Variants in HPS5 observed in about 807,000 individuals in gnomAD.
HPS5 encodes the protein HPS5 biogenesis of lysosomal organelles complex 2 subunit 2, also known as BLOC-2 complex member HPS5.
A neutral mutation model predicts 128.0 loss-of-function variants in HPS5; 83 were observed. The ratio of observed to expected loss-of-function variants is 0.65; its 90% CI spans 0.54 to 0.78. The LOEUF (loss-of-function observed/expected upper bound fraction) is 0.78. HPS5 is among the 30% of genes least tolerant of loss of function. The pLI is 0.00. For synonymous variants in HPS5, 475 were observed against 470.2 expected (o/e 1.01, Z -0.13); for missense variants, 1,281 against 1,326.2 (o/e 0.97, Z 0.53).
chr11:18,298,922 A>G lies in HPS5; in HGVS notation c.1034T>C (p.Leu345Pro), dbSNP rs754589107. The G allele has an allele frequency of 4.3e-6, 7 of 1,614,228 alleles. No homozygotes were observed. The Admixed American group carries it at 5.0e-5, about 12-fold the overall frequency. ...GGAGAGATGTGAGACTTTCCCATTT[A>G]GGTGCAAACAGAACAATTCATTCCT... is the stretch of plus-strand genomic sequence containing the variant. ...VCRNELFCLH[L>P]NGKVSHLSLI... is the part of the protein sequence containing the mutation. The change falls in exon 10 of 23, where the codon CTA (leucine) becomes CCA (proline). Residue 345 changes from leucine to proline, a missense_variant. Physicochemically the swap from Leu to Pro is moderately conservative, Grantham distance 98 (BLOSUM62 -3). Transcript: ENST00000349215.
rs565142020 is a variant in HPS5, at chr11:18,297,710, T to G, written c.1172A>C (p.Lys391Thr). 1 of 1,613,978 alleles carries G rather than the reference T, an allele frequency of 6.2e-7. No homozygotes were observed. The highest frequency in any genetic ancestry group is 2.2e-5 in the East Asian group (1 of 44,884). The change falls in exon 11 of 23, where the codon AAA (lysine) becomes ACA (threonine). Residue 391 changes from lysine to threonine, a missense_variant. Coordinates refer to ENST00000349215, the MANE Select transcript of HPS5 (RefSeq NM_181507.2). ...QNSVIASRAR[K>T]TLTADKLEHL... is the part of the protein sequence containing the mutation. ...CTCCAATTTATCTGCAGTCAAAGTTTTTCTTGCCTAATAAAACAACAGCGC... is the reference window on the plus strand; with the variant it reads ...CTCCAATTTATCTGCAGTCAAAGTTGTTCTTGCCTAATAAAACAACAGCGC...
chr11:18,311,682 T>C, intron 3 of HPS5: 1 of 562,500 alleles, frequency 1.8e-6, no homozygotes, highest in African/African-American at 1.9e-5. Context: ...AGCTAATTTT[T>C]GTGTTTTTAG....
In HPS5 at chr11:18,291,941, TA is replaced by T; in HGVS notation, c.1940del (p.Leu647Ter). ...RMVLQEWLSH[L>X]EKTFAMKDFS... ...AGTCCTTCATGGCAAATGTTTTTTC[TA>T]AATGTGAAAGCCACTCCTGTAAAAC... On this transcript the variant is annotated frameshift_variant, in exon 16 of 23. Transcript: ENST00000349215. LOFTEE classifies it high-confidence loss of function. 1 of 1,608,672 alleles carries T rather than the reference TA, an allele frequency of 6.2e-7. No homozygotes were observed. The highest frequency in any genetic ancestry group is 8.5e-7 in the Non-Finnish European group (1 of 1,178,716).
At chr11:18,297,053 G>A (rs1312015458) in intron 11 of HPS5, 69 bp from the exon 12 acceptor site, 1 of 963,880 alleles carries the variant, frequency 1.0e-6, no homozygotes, top group African/African-American at 1.6e-5. Flanking sequence ...TATAACTTCT[G>A]CAGAGAAATA....
chr11:18,309,270 G>T (rs867275297), intron 5 of HPS5, among the ~76,000 whole-genome samples, 191 bp from the exon 6 acceptor site: 1 of 152,180 alleles, frequency 6.6e-6, no homozygotes, highest in Non-Finnish European at 1.5e-5. Flanking sequence ...AATCTGGTAC[G>T]TAACTGCAGA....
intron 5 of HPS5, among the ~76,000 whole-genome samples, chr11:18,309,795 G>T (rs1862762375): frequency 6.6e-6 from 1 of 151,850 alleles, no homozygotes; most frequent in East Asian, 1.9e-4. Flanking sequence ...GAGCCCAGGA[G>T]TCCGAGACCA....
chr11:18,320,981 C>T (rs1362997779), intron 1 of HPS5, among the ~76,000 whole-genome samples: 1 of 152,180 alleles, frequency 6.6e-6, no homozygotes, highest in African/African-American at 2.4e-5. Flanking sequence ...AAATTGAAAG[C>T]TGCTATTAAT....
chr11:18,296,523 G>C, intron 12 of HPS5: 1 of 591,580 alleles, frequency 1.7e-6, no homozygotes, highest in African/African-American at 1.9e-5. Context: ...CCACTCTTTT[G>C]GTTAATGACC....
At chr11:18,316,024 A>G (rs946354208) in intron 2 of HPS5, among the ~76,000 whole-genome samples, 3 of 152,218 alleles carry the variant, frequency 2.0e-5, no homozygotes, top group Admixed American at 2.0e-4. Flanking sequence ...TAGGGAAGCC[A>G]AAGGCCAAGG....
At chr11:18,316,787 A>T (rs907215423) in intron 2 of HPS5, among the ~76,000 whole-genome samples, 6 of 152,246 alleles carry the variant, frequency 3.9e-5, no homozygotes, top group Admixed American at 6.5e-5. Flanking sequence ...ATTGGCTTAC[A>T]GCAATAACAT....
chr11:18,296,895 G>A lies in HPS5; in HGVS notation c.1413C>T (p.His471=), dbSNP rs1861137175. 1 of 1,612,804 alleles carries A rather than the reference G, an allele frequency of 6.2e-7. No homozygotes were observed. Among genetic ancestry groups the A allele is most frequent in the Admixed American group, 1.7e-5 (1 of 59,986 alleles). The change falls in exon 12 of 23, where the codon CAC becomes CAT. Residue 471 remains histidine (H), a synonymous_variant. Coordinates refer to ENST00000349215, the MANE Select transcript of HPS5 (RefSeq NM_181507.2). The stretch of plus-strand genomic sequence containing the variant: ...TCTCATCTTCTGAGAGGGTTTGGCT[G>A]TGAAGGGAGCAAGAGTCTTCATCTG... ...SQSDEDSCSL[H]SQTLSEDERF...
At chr11:18,287,112 T>C (rs1339100251) in intron 18 of HPS5, among the ~76,000 whole-genome samples, 9 of 151,990 alleles carry the variant, frequency 5.9e-5, no homozygotes, top group Non-Finnish European at 1.0e-4. Context: ...AAGCCGCTAG[T>C]CTAATAAGCC....
At chr11:18,291,091 G>A (rs958324609) in intron 16 of HPS5, among the ~76,000 whole-genome samples, 8 of 152,146 alleles carry the variant, frequency 5.3e-5, no homozygotes, top group African/African-American at 9.7e-5. Context: ...GGTGGTGCAC[G>A]CCTGCAGTCC....
At chr11:18,309,894 C>G (rs1164616796) in intron 5 of HPS5, among the ~76,000 whole-genome samples, 1 of 152,070 alleles carries the variant, frequency 6.6e-6, no homozygotes, top group Non-Finnish European at 1.5e-5. Context: ...CCCAGCTACT[C>G]AGGAGGTTTG....
intron 11 of HPS5, 87 bp downstream of exon 11, chr11:18,297,472 A>G (rs2134341459): frequency 1.5e-6 from 2 of 1,292,472 alleles, no homozygotes; most frequent in Non-Finnish European, 2.2e-6. Flanking sequence ...AAAGGACAAC[A>G]AATTTGGGGA....
chr11:18,298,085 CAAAAAAA>C (rs1200784930), intron 10 of HPS5, among the ~76,000 whole-genome samples: 1 of 70,476 alleles, frequency 1.4e-5, no homozygotes, highest in African/African-American at 5.5e-5. Context: ...GACTTCATCT[CAAAAAAA>C]AAAAAAAGAA....
At chr11:18,280,898 T>C (rs1858811080) in intron 22 of HPS5, among the ~76,000 whole-genome samples, 1 of 151,314 alleles carries the variant, frequency 6.6e-6, no homozygotes, top group African/African-American at 2.4e-5. Flanking sequence ...GGAAGTAAGT[T>C]GCTGTTTAAT....
At chr11:18,316,327 A>C (rs923576529) in intron 2 of HPS5, among the ~76,000 whole-genome samples, 8 of 152,100 alleles carry the variant, frequency 5.3e-5, no homozygotes, top group Admixed American at 3.3e-4. Context: ...AAAGAAAATA[A>C]GATTTTATAT....
Position 18,305,997 on chromosome 11 carries a change from G to C in HPS5, c.824+138C>G, listed in dbSNP as rs1862317201. 18 of 721,278 alleles carry C rather than the reference G, an allele frequency of 2.5e-5. No homozygotes were observed. In the South Asian group the frequency reaches 2.7e-4, roughly 11 times the overall value. The allele number at this position is 721,278 out of a possible 1,614,324, so 44.7% of individuals were successfully genotyped here. A position where few individuals can be genotyped will look rare whatever the true frequency, so the allele number is the denominator to read the frequency against. ...TCCGCCTGCCACAGCCTCCCAAAGT[G>C]CTGGGATTACAGGCGTGTGCCAACA... On this transcript the variant is annotated intron_variant, in intron 7 of 22. Coordinates refer to ENST00000349215, the MANE Select transcript of HPS5 (RefSeq NM_181507.2).
Sources: allele counts gnomAD v4.1 joint callset (sites outside exome capture counted in the v4.1 genomes callset), GRCh38; gene constraint gnomAD v4.1.1; transcripts MANE v1.5; gene names NCBI Gene and HGNC (gene_info 2026-07-23, HGNC 2026-07-21).